The following ADAMTSL1 variants were observed in gnomAD, a reference collection of about 807,000 sequenced individuals.
The protein encoded by ADAMTSL1 is ADAMTS like 1.
In ADAMTSL1, 126 loss-of-function variants were observed where a neutral mutation model predicts 201.8. That is an observed-to-expected ratio of 0.62 (90% CI 0.54 to 0.72). The LOEUF (loss-of-function observed/expected upper bound fraction) is 0.72. Among genes scored for constraint, ADAMTSL1 ranks in the 30% least tolerant of loss-of-function variants. The probability of loss-of-function intolerance (pLI) is 0.00; values close to 1 mark genes in which losing one functional copy is unlikely to be tolerated. For synonymous variants in ADAMTSL1, 1,121 were observed against 903.4 expected, an observed-to-expected ratio of 1.24 and a Z score of -4.32; for missense variants, 2,679 against 2,277.8, an observed-to-expected ratio of 1.18 and a Z score of -3.59.
Position 18,230,312 on chromosome 9 carries a change from G to A in ADAMTSL1, c.207+66331G>A, listed in dbSNP as rs192691319. ...CTTTTCCTGGATTCAATATGATACCGGCCTACATGGGGAAGCCTGGAAGTT... is the reference window on the plus strand; with the variant it reads ...CTTTTCCTGGATTCAATATGATACCAGCCTACATGGGGAAGCCTGGAAGTT... On this transcript the variant is annotated intron_variant, in intron 2 of 29. Transcript: ENST00000680146. 2.4e-3 allele frequency among the ~76,000 whole-genome samples: 372 copies of A among 152,160 alleles called. 2 individuals carry two copies. The highest frequency in any genetic ancestry group is 8.6e-3 in the African/African-American group (359 of 41,516).
At chr9:18,439,129 A>C (rs1425501839) in intron 2 of ADAMTSL1, among the ~76,000 whole-genome samples, 2 of 151,898 alleles carry the variant, frequency 1.3e-5, no homozygotes, top group Non-Finnish European at 2.9e-5. Flanking sequence ...TCACTACGTC[A>C]TGACCGCCCT....
At chr9:17,966,011 AAACG>A (rs1193379398) in intron 1 of ADAMTSL1, among the ~76,000 whole-genome samples, 1 of 152,176 alleles carries the variant, frequency 6.6e-6, no homozygotes, top group Non-Finnish European at 1.5e-5. Flanking sequence ...GCAAACAAGC[AAACG>A]AATCTCCTGT....
intron 1 of ADAMTSL1, among the ~76,000 whole-genome samples, chr9:18,054,881 C>T (rs1822105707): frequency 6.6e-6 from 1 of 152,094 alleles, no homozygotes; most frequent in African/African-American, 2.4e-5. Context: ...GTTCCCCTGC[C>T]CCCGCAATCT....
rs573534911 is a variant in ADAMTSL1, at chr9:18,606,824, T to A, written c.475-15419T>A. 6.6e-5 allele frequency among the ~76,000 whole-genome samples: 10 copies of A among 152,326 alleles called. No individual in the cohort carries two copies. The South Asian group carries it at 1.9e-3, about 28-fold the overall frequency. On this transcript the variant is annotated intron_variant, in intron 4 of 28. Coordinates refer to ENST00000380548, the MANE Select transcript of ADAMTSL1 (RefSeq NM_001040272.6). ...CCTCAAGTTTGGTAAGTGAGAACCATCCGCTGCTGCAGTCTATAATTTCCT... is the reference window on the plus strand; with the variant it reads ...CCTCAAGTTTGGTAAGTGAGAACCAACCGCTGCTGCAGTCTATAATTTCCT...
chr9:18,025,794 A>G (rs1057208793), intron 1 of ADAMTSL1, among the ~76,000 whole-genome samples: 1 of 151,966 alleles, frequency 6.6e-6, no homozygotes, highest in Non-Finnish European at 1.5e-5. Context: ...CTGAGAAATT[A>G]TATTGGTAGC....
At chr9:18,907,132 A>T in intron 28 of ADAMTSL1, 1 of 556,470 alleles carries the variant, frequency 1.8e-6, no homozygotes, top group Non-Finnish European at 3.2e-6. Flanking sequence ...CATGATCTCC[A>T]TCCTGGCCCT....
At chr9:18,024,735 G>A (rs966271037) in intron 1 of ADAMTSL1, among the ~76,000 whole-genome samples, 10 of 152,000 alleles carry the variant, frequency 6.6e-5, no homozygotes, top group African/African-American at 1.4e-4. Flanking sequence ...GTACGAGTAC[G>A]TGTGTCTTTT....
At chr9:18,445,011 G>A (rs1310104731) in intron 2 of ADAMTSL1, among the ~76,000 whole-genome samples, 3 of 152,066 alleles carry the variant, frequency 2.0e-5, no homozygotes, top group Non-Finnish European at 4.4e-5. Flanking sequence ...TTTGCCTAAG[G>A]TCAAATAGAA....
intron 2 of ADAMTSL1, among the ~76,000 whole-genome samples, chr9:18,466,086 T>C (rs776289705): frequency 1.3e-5 from 2 of 152,192 alleles, no homozygotes; most frequent in Non-Finnish European, 2.9e-5. Context: ...TTCATTCTCT[T>C]AAAACACAGA....
chr9:18,457,235 T>C (rs145652740), intron 2 of ADAMTSL1, among the ~76,000 whole-genome samples: 1,768 of 152,264 alleles, frequency 0.012, 33 homozygotes, highest in African/African-American at 0.04. Context: ...TGATAAATGG[T>C]TTACAAAAGG....
At chr9:17,980,558 A>G (rs768859096) in intron 1 of ADAMTSL1, among the ~76,000 whole-genome samples, 6 of 151,866 alleles carry the variant, frequency 4.0e-5, no homozygotes, top group Admixed American at 1.3e-4. Flanking sequence ...TGTTCCCTCA[A>G]GTTCATTTCT....
At chr9:18,354,017 C>G (rs1465956132) in intron 2 of ADAMTSL1, among the ~76,000 whole-genome samples, 1 of 146,956 alleles carries the variant, frequency 6.8e-6, no homozygotes, top group Non-Finnish European at 1.5e-5. Context: ...ATCTTTATTA[C>G]TTGTATATAG....
intron 2 of ADAMTSL1, among the ~76,000 whole-genome samples, chr9:18,363,457 G>T (rs1044469824): frequency 6.6e-6 from 1 of 152,218 alleles, no homozygotes; most frequent in African/African-American, 2.4e-5. Context: ...TTAATGTTCA[G>T]TTTTGCCTTG....
chr9:18,334,706 A>G (rs546124408), intron 2 of ADAMTSL1, among the ~76,000 whole-genome samples: 20 of 152,270 alleles, frequency 1.3e-4, no homozygotes, highest in African/African-American at 4.3e-4. Flanking sequence ...AGAGTCTGTT[A>G]TCAATTTAGG....
At chr9:18,174,839 T>A (rs1207240183) in intron 2 of ADAMTSL1, among the ~76,000 whole-genome samples, 3 of 152,194 alleles carry the variant, frequency 2.0e-5, no homozygotes, top group African/African-American at 4.8e-5. Context: ...TGTCGTAATT[T>A]TGCTAAATTT....
At chr9:18,677,756 C>T (rs899458484) in intron 10 of ADAMTSL1, among the ~76,000 whole-genome samples, 1 of 151,930 alleles carries the variant, frequency 6.6e-6, no homozygotes, top group Admixed American at 6.6e-5. Context: ...GTACTATGTC[C>T]TTGTATACAC....
At chr9:18,889,475 CCT>C (rs1391436064) in intron 24 of ADAMTSL1, 91 bp from the exon 25 acceptor site, 106 of 1,379,452 alleles carry the variant, frequency 7.7e-5, no homozygotes, top group Admixed American at 1.0e-4. Context: ...CAAATCCACC[CCT>C]GTCACCTTCT....
At chr9:18,061,917 G>C (rs1822474423) in intron 1 of ADAMTSL1, among the ~76,000 whole-genome samples, 1 of 152,200 alleles carries the variant, frequency 6.6e-6, no homozygotes, top group African/African-American at 2.4e-5. Context: ...TTGAGCATTT[G>C]TGCAAAGGAT....
In ADAMTSL1 at chr9:18,777,520, C is replaced by G. The variant is rs772733050; in HGVS notation, c.3291C>G (p.Ser1097Arg). Residue 1097 changes from serine (S) to arginine (R), a missense_variant, in exon 19 of 29, where the codon AGC (serine) becomes AGG (arginine). Coordinates refer to ENST00000380548, the MANE Select transcript of ADAMTSL1 (RefSeq NM_001040272.6). ...CCGAGGAGCTGCGCGACCTCTACAGCAAGCACCTGGTGGCCCAGCTGGCCC... is the reference window on the plus strand; with the variant it reads ...CCGAGGAGCTGCGCGACCTCTACAGGAAGCACCTGGTGGCCCAGCTGGCCC... ...QQPEELRDLY[S>R]KHLVAQLAQE... The G allele has an allele frequency of 6.2e-7, 1 of 1,601,222 alleles. No homozygotes were observed. The highest frequency in any genetic ancestry group is 8.5e-7 in the Non-Finnish European group (1 of 1,174,284).
Sources: gnomAD v4.1 joint callset for allele counts (sites outside exome capture counted in the v4.1 genomes callset) on GRCh38, gnomAD v4.1.1 for gene constraint, MANE v1.5 for transcripts, NCBI Gene and HGNC (gene_info 2026-07-23, HGNC 2026-07-21) for gene names.